The following ARHGEF38 variants were observed in gnomAD, a reference collection of about 807,000 sequenced individuals.
ARHGEF38 encodes the protein Rho guanine nucleotide exchange factor 38, also known as Rho guanine nucleotide exchange factor (GEF) 38.
ARHGEF38 carries 79 observed loss-of-function variants against 79.9 expected under a neutral mutation model. The observed-to-expected ratio is 0.99, with a 90% CI of 0.82 to 1.19. The LOEUF (loss-of-function observed/expected upper bound fraction) is 1.19. Among genes scored for constraint, ARHGEF38 ranks in the 50% most tolerant of loss-of-function variants. The pLI is 0.00. For missense variants in ARHGEF38, 962 were observed against 907.2 expected (o/e 1.06, Z -0.78); for synonymous variants, 366 against 328.3 (o/e 1.11, Z -1.24).
At position 105,611,043 on chromosome 4, in the gene ARHGEF38, T is replaced by C. The variant is rs75157513; in HGVS notation, c.385-2341T>C. Reference sequence around the variant, plus strand: ...CCAGTTCTCCCCTGAACTTCTTGCATAAGTTTGAGCATGGCTCCTTTCTTC... The same window carrying C: ...CCAGTTCTCCCCTGAACTTCTTGCACAAGTTTGAGCATGGCTCCTTTCTTC... On this transcript the variant is annotated intron_variant, in intron 2 of 13. Coordinates refer to ENST00000420470, the MANE Select transcript of ARHGEF38 (RefSeq NM_001242729.2). Among the ~76,000 whole-genome samples, 944 of 152,222 alleles carry C rather than the reference T, an allele frequency of 6.2e-3. 9 individuals are homozygous for C. Among genetic ancestry groups the C allele is most frequent in the African/African-American group, 0.022 (908 of 41,560 alleles).
rs551008244 is a variant in ARHGEF38 at position 105,639,086 on chromosome 4, A to G, written c.674+2666A>G. 5.3e-5 allele frequency among the ~76,000 whole-genome samples: 8 copies of G among 152,178 alleles called. No homozygotes were observed. The South Asian group carries it at 1.7e-3, about 32-fold the overall frequency. On this transcript the variant is annotated intron_variant, in intron 5 of 13. Coordinates refer to ENST00000420470, the MANE Select transcript of ARHGEF38 (RefSeq NM_001242729.2). Reference sequence around the variant, plus strand: ...CTACTTGCCAACACTAGATACAAATAATATTGATATCTTTATAACTTGTAA... The same window carrying G: ...CTACTTGCCAACACTAGATACAAATGATATTGATATCTTTATAACTTGTAA...
At chr4:105,608,902 A>G (rs1728171227) in intron 2 of ARHGEF38, among the ~76,000 whole-genome samples, 1 of 151,988 alleles carries the variant, frequency 6.6e-6, no homozygotes, top group Non-Finnish European at 1.5e-5. Flanking sequence ...TATTTTGCAT[A>G]TTAACACCCC....
chr4:105,633,500 A>G (rs889246484), intron 4 of ARHGEF38, among the ~76,000 whole-genome samples: 1 of 152,192 alleles, frequency 6.6e-6, no homozygotes, highest in Non-Finnish European at 1.5e-5. Flanking sequence ...TTGTGGCTAG[A>G]TAACACAGCC....
At chr4:105,603,669 T>G (rs777232263) in intron 2 of ARHGEF38, among the ~76,000 whole-genome samples, 7 of 151,982 alleles carry the variant, frequency 4.6e-5, no homozygotes, top group Non-Finnish European at 1.0e-4. Context: ...GCAGGCAGAG[T>G]CATAGATATG....
chr4:105,614,327 T>C (rs1728428912), intron 3 of ARHGEF38, among the ~76,000 whole-genome samples: 1 of 152,168 alleles, frequency 6.6e-6, no homozygotes, highest in South Asian at 2.1e-4. Flanking sequence ...AGAGTAACGG[T>C]AAAATTTCCT....
At position 105,552,919 on chromosome 4, in the gene ARHGEF38, A is replaced by T; in HGVS notation, c.154A>T (p.Arg52Trp). The T allele has an allele frequency of 1.9e-6, 3 of 1,613,566 alleles. No homozygotes were observed. Among genetic ancestry groups the T allele is most frequent in the Non-Finnish European group, 2.5e-6 (3 of 1,179,748 alleles). ...VSGDHSGTLR[R>W]SQSDRTEYNQ... is the part of the protein sequence containing the mutation. Reference sequence around the variant, plus strand: ...TGGGGACCACTCTGGCACCTTGAGGAGGAGCCAATCTGACAGGACCGAATA... The same window carrying T: ...TGGGGACCACTCTGGCACCTTGAGGTGGAGCCAATCTGACAGGACCGAATA... The change falls in exon 1 of 14, where the codon AGG becomes TGG. Residue 52 changes from arginine to tryptophan, a missense_variant. Coordinates refer to ENST00000420470, the MANE Select transcript of ARHGEF38 (RefSeq NM_001242729.2).
chr4:105,636,490 C>A, intron 5 of ARHGEF38, 70 bp downstream of exon 5: 1 of 273,068 alleles, frequency 3.7e-6, no homozygotes. Context: ...CTGTTCCTGT[C>A]CAAATCAGAA....
At chr4:105,657,774 T>C (rs1182200672) in intron 9 of ARHGEF38, among the ~76,000 whole-genome samples, 1 of 152,186 alleles carries the variant, frequency 6.6e-6, no homozygotes, top group Non-Finnish European at 1.5e-5. Context: ...TTGTGTTGGC[T>C]ATTGCTGGTG....
chr4:105,659,143 T>G lies in ARHGEF38; in HGVS notation c.1323T>G (p.Tyr441Ter). 2 of 1,536,180 alleles carry G rather than the reference T, an allele frequency of 1.3e-6. No homozygotes were observed. The highest frequency in any genetic ancestry group is 1.7e-6 in the Non-Finnish European group (2 of 1,146,884). ...PGPHKLIQKR[Y>*]DKLLDCNSYL... ...CTCACAAGCTCATCCAGAAACGCTA[T>G]GACAAACTGCTGGATTGCAACAGCT... is the stretch of plus-strand genomic sequence containing the variant. The change falls in exon 10 of 14, where the codon TAT becomes TAG. Residue 441 changes from tyrosine (Y) to a stop codon, truncating the protein, a stop_gained. Coordinates refer to ENST00000420470, the MANE Select transcript of ARHGEF38 (RefSeq NM_001242729.2). LOFTEE classifies it high-confidence loss of function.
At chr4:105,599,165 T>C (rs1410839488) in intron 2 of ARHGEF38, among the ~76,000 whole-genome samples, 1 of 152,170 alleles carries the variant, frequency 6.6e-6, no homozygotes, top group Non-Finnish European at 1.5e-5. Flanking sequence ...TCTTTGCTTG[T>C]TCAGAAAGTC....
At chr4:105,652,130 G>A (rs1560748884) in intron 7 of ARHGEF38, among the ~76,000 whole-genome samples, 1 of 152,134 alleles carries the variant, frequency 6.6e-6, no homozygotes, top group South Asian at 2.1e-4. Flanking sequence ...TTGAAATAGA[G>A]GTGTGGATTC....
intron 1 of ARHGEF38, among the ~76,000 whole-genome samples, chr4:105,568,865 G>T (rs759793971): frequency 6.6e-6 from 1 of 152,166 alleles, no homozygotes; most frequent in Non-Finnish European, 1.5e-5. Context: ...TTATAAAAGT[G>T]CATATTCCTG....
intron 1 of ARHGEF38, among the ~76,000 whole-genome samples, chr4:105,582,042 G>A (rs111617950): frequency 6.6e-6 from 1 of 151,394 alleles, no homozygotes; most frequent in Non-Finnish European, 1.5e-5. Context: ...GCGGGCGCCT[G>A]TAATCCCAGC....
chr4:105,589,180 G>T (rs112973922), intron 1 of ARHGEF38, 68 bp from the exon 2 acceptor site: 4 of 1,333,544 alleles, frequency 3.0e-6, no homozygotes, highest in Non-Finnish European at 4.1e-6. Context: ...CTTCGAAGGC[G>T]TTGTTTGTAA....
At chr4:105,614,092 A>G (rs530009255) in intron 3 of ARHGEF38, among the ~76,000 whole-genome samples, 1 of 152,306 alleles carries the variant, frequency 6.6e-6, no homozygotes, top group African/African-American at 2.4e-5. Context: ...AAATAACAAC[A>G]GAAAATATAA....
At chr4:105,631,570 TG>T in intron 4 of ARHGEF38, 2 of 985,408 alleles carry the variant, frequency 2.0e-6, no homozygotes, top group Non-Finnish European at 2.4e-6. Flanking sequence ...AAAACATTGG[TG>T]GGGGAGCTAC....
chr4:105,631,587 G>A, intron 4 of ARHGEF38: 1 of 985,320 alleles, frequency 1.0e-6, no homozygotes, highest in Non-Finnish European at 1.2e-6. Flanking sequence ...GCTACACAAT[G>A]TACTTTTTCT....
At chr4:105,564,929 T>C in intron 1 of ARHGEF38, among the ~76,000 whole-genome samples, 1 of 152,152 alleles carries the variant, frequency 6.6e-6, no homozygotes, top group East Asian at 1.9e-4. Context: ...TAAGCTTGGG[T>C]CAGGAAAGGT....
intron 5 of ARHGEF38, among the ~76,000 whole-genome samples, chr4:105,637,067 A>G (rs1027101242): frequency 2.0e-5 from 3 of 152,088 alleles, no homozygotes; most frequent in African/African-American, 7.2e-5. Context: ...ACAAACTCCA[A>G]TTTATTTACC....
Sources: allele counts gnomAD v4.1 joint callset (sites outside exome capture counted in the v4.1 genomes callset), GRCh38; gene constraint gnomAD v4.1.1; transcripts MANE v1.5; gene names NCBI Gene and HGNC (gene_info 2026-07-23, HGNC 2026-07-21).